Variants in EXOC7 observed in about 807,000 individuals in gnomAD.
The protein encoded by EXOC7 is exocyst complex component Exo70.
Under a neutral mutation model 87.6 loss-of-function variants are expected in EXOC7, and 51 were observed. The observed-to-expected ratio is 0.58, with a 90% CI of 0.46 to 0.73. The LOEUF (loss-of-function observed/expected upper bound fraction) is 0.73. Among genes scored for constraint, EXOC7 ranks in the 30% least tolerant of loss-of-function variants. The pLI, the probability that EXOC7 is intolerant of heterozygous loss-of-function variation, is 0.00. For synonymous variants in EXOC7, 327 were observed against 357.1 expected, an observed-to-expected ratio of 0.92 and a Z score of 0.95; for missense variants, 744 against 888.4, an observed-to-expected ratio of 0.84 and a Z score of 2.07.
intron 1 of EXOC7, 23 bp from the exon 2 acceptor site, chr17:76,103,449 C>T: frequency 1.3e-6 from 2 of 1,586,620 alleles, no homozygotes; most frequent in Non-Finnish European, 1.7e-6. Flanking sequence ...AAGGGGAGGA[C>T]ATCACCAGAA....
intron 12 of EXOC7, chr17:76,086,866 A>G: frequency 6.4e-7 from 1 of 1,551,364 alleles, no homozygotes; most frequent in Middle Eastern, 1.7e-4. Context: ...CGGGGGTCTA[A>G]AGGAATATTG....
chr17:76,091,152 G>A lies in EXOC7; in HGVS notation c.892C>T (p.Pro298Ser), dbSNP rs200640506. 4.6e-5 allele frequency: 74 copies of A among 1,613,698 alleles called. No homozygotes were observed. Among genetic ancestry groups the A allele is most frequent in the Non-Finnish European group, 6.1e-5 (72 of 1,179,588 alleles). Residue 298 changes from proline (P) to serine (S), a missense_variant, in exon 7 of 19, where the codon CCT becomes TCT. Pro to Ser is a moderately conservative substitution (Grantham distance 74, BLOSUM62 -1). Around this residue, in one of 3 missense-constraint regions of EXOC7, gnomAD observed 512 missense variants for 573.0 expected, o/e 0.89. Transcript: ENST00000589210. ...DGKKGGSNLI[P>S]LEGRDDMLDV... ...AACACAGGGTGATTACCTTCCAGAGGAATGAGGTTAGAGCCCCCCTTTTTC... is the reference window on the plus strand; with the variant it reads ...AACACAGGGTGATTACCTTCCAGAGAAATGAGGTTAGAGCCCCCCTTTTTC...
In EXOC7 at chr17:76,082,592, C is replaced by G. The variant is rs765075896; in HGVS notation, c.*1056G>C. On this transcript the variant is annotated 3_prime_UTR_variant, in exon 19 of 19. Coordinates refer to ENST00000589210, the MANE Select transcript of EXOC7 (RefSeq NM_001013839.4). ...TTTGCAGGAATCTGGATGTGGGCAG[C>G]GTGCAAGTCTGACGCAGCCCCTGGA... 5.0e-6 allele frequency: 8 copies of G among 1,613,458 alleles called. No individual in the cohort carries two copies. Among genetic ancestry groups the G allele is most frequent in the Non-Finnish European group, 5.9e-6 (7 of 1,179,930 alleles).
At chr17:76,090,459 C>G in intron 7 of EXOC7, 2 of 1,551,688 alleles carry the variant, frequency 1.3e-6, no homozygotes, top group Non-Finnish European at 8.7e-7. Flanking sequence ...GCAGGCCGCC[C>G]CTTGGGGTAC....
Position 76,081,565 on chromosome 17 carries a change from G to A in EXOC7, c.*2083C>T, listed in dbSNP as rs762932459. The A allele has an allele frequency of 8.1e-6, 13 of 1,613,676 alleles. No homozygotes were observed. Among genetic ancestry groups the A allele is most frequent in the South Asian group, 5.5e-5 (5 of 91,080 alleles). On this transcript the variant is annotated 3_prime_UTR_variant, in exon 19 of 19. Coordinates refer to ENST00000589210, the MANE Select transcript of EXOC7 (RefSeq NM_001013839.4). Reference sequence around the variant, plus strand: ...TCCAGCTGAGGCTGAAGAACACGGCGCTCAAGTCCATCATCGCTCTCTTGG... The same window carrying A: ...TCCAGCTGAGGCTGAAGAACACGGCACTCAAGTCCATCATCGCTCTCTTGG...
intron 15 of EXOC7, chr17:76,084,965 G>C (rs1421190001): frequency 2.2e-6 from 1 of 449,010 alleles, no homozygotes; most frequent in Non-Finnish European, 4.0e-6. Flanking sequence ...AGAAGCAGCG[G>C]GATCCTCACA....
intron 7 of EXOC7, 196 bp downstream of exon 7, chr17:76,090,947 C>T: frequency 1.6e-6 from 1 of 617,526 alleles, no homozygotes; most frequent in Non-Finnish European, 2.9e-6. Flanking sequence ...CTGCCATCAG[C>T]CAGAGAGGAC....
chr17:76,081,488 C>A lies in EXOC7; in HGVS notation c.*2160G>T. On this transcript the variant is annotated 3_prime_UTR_variant, in exon 19 of 19. Transcript: ENST00000589210. ...CACGGCCAGAGGCCAGGCCCCATGC[C>A]CCCGATGCCCACCTCCTTCCCCCCC... is the stretch of plus-strand genomic sequence containing the variant. The A allele has an allele frequency of 6.2e-7, 1 of 1,610,138 alleles. No homozygotes were observed. Among genetic ancestry groups the A allele is most frequent in the Non-Finnish European group, 8.5e-7 (1 of 1,178,438 alleles).
Position 76,083,374 on chromosome 17 carries a change from CTT to C in EXOC7, c.*272_*273del. 2.2e-6 allele frequency: 1 copy of C among 454,352 alleles called. No homozygotes were observed. The highest frequency in any genetic ancestry group is 4.1e-6 in the Non-Finnish European group (1 of 246,158). 28.1% of individuals were successfully genotyped at this position (454,352 alleles called of 1,614,324 possible). On this transcript the variant is annotated 3_prime_UTR_variant, in exon 19 of 19. Coordinates refer to ENST00000589210, the MANE Select transcript of EXOC7 (RefSeq NM_001013839.4). ...GCACAGGCCTCTGTCTTCCTTCTCT[CTT>C]TTCCTGTTTCAGAAGCCATCAGGGT...
At position 76,081,266 on chromosome 17, in the gene EXOC7, C is replaced by A; in HGVS notation, c.*2382G>T. Reference sequence around the variant, plus strand: ...TCCTTCCTGGTTCATAGTTCTCATTCCCACCCCTCAGCGATGGAGTTAGAG... The same window carrying A: ...TCCTTCCTGGTTCATAGTTCTCATTACCACCCCTCAGCGATGGAGTTAGAG... On this transcript the variant is annotated 3_prime_UTR_variant, in exon 19 of 19. Coordinates refer to ENST00000589210, the MANE Select transcript of EXOC7 (RefSeq NM_001013839.4). 1 of 1,613,162 alleles carries A rather than the reference C, an allele frequency of 6.2e-7. No individual in the cohort carries two copies. Among genetic ancestry groups the A allele is most frequent in the South Asian group, 1.1e-5 (1 of 90,978 alleles).
At chr17:76,089,432 G>T in intron 7 of EXOC7, 112 bp from the exon 8 acceptor site, 1 of 1,368,204 alleles carries the variant, frequency 7.3e-7, no homozygotes. Context: ...GCAGAGGATG[G>T]GGAAGAGGCT....
Position 76,089,287 on chromosome 17 carries a change from G to A in EXOC7, c.935C>T (p.Ala312Val). ...GAAGGCACTGACGCAGTGGATGTAGGCATCGGTCTCCACGTCCAGCATGTC... is the reference window on the plus strand; with the variant it reads ...GAAGGCACTGACGCAGTGGATGTAGACATCGGTCTCCACGTCCAGCATGTC... ...RDDMLDVETDAYIHCVSAFVK... is the reference protein window; with the variant it reads ...RDDMLDVETDVYIHCVSAFVK... The change falls in exon 8 of 19, where the codon GCC becomes GTC. Residue 312 changes from alanine (A) to valine (V), a missense_variant. By Grantham distance (64) the Ala-to-Val change is moderately conservative. This residue lies in a region of EXOC7 where 512 missense variants were observed against 573.0 expected (regional missense o/e 0.89). Coordinates refer to ENST00000589210, the MANE Select transcript of EXOC7 (RefSeq NM_001013839.4). The A allele has an allele frequency of 6.2e-7, 1 of 1,614,088 alleles. No individual in the cohort carries two copies. The highest frequency in any genetic ancestry group is 1.1e-5 in the South Asian group (1 of 91,088).
chr17:76,097,660 C>T, intron 5 of EXOC7, 136 bp downstream of exon 5: 2 of 605,252 alleles, frequency 3.3e-6, no homozygotes, highest in Non-Finnish European at 5.3e-6. Context: ...AGCCGAGTTG[C>T]ACCATTGCAC....
At chr17:76,087,280 T>C in intron 12 of EXOC7, 1 of 386,092 alleles carries the variant, frequency 2.6e-6, no homozygotes, top group Non-Finnish European at 4.8e-6. Flanking sequence ...CCTGAGACAC[T>C]TGCTACCCTC....
intron 15 of EXOC7, 170 bp downstream of exon 15, chr17:76,085,144 G>A (rs2144594235): frequency 3.2e-6 from 2 of 629,160 alleles, no homozygotes; most frequent in South Asian, 3.8e-5. Context: ...AGTGGTAGAG[G>A]AGGGGGCTTC....
Position 76,094,236 on chromosome 17 carries a change from T to C in EXOC7, c.808+178A>G, listed in dbSNP as rs77231632. On this transcript the variant is annotated intron_variant, in intron 6 of 18. Transcript: ENST00000589210. ...CTAGCTGGAAGGAAGAGTCTTGCTC[T>C]TGGGGGGCTTCACTGGGTGGGTAGA... 4,037 of 604,594 alleles carry C rather than the reference T, an allele frequency of 6.7e-3. 129 individuals carry two copies. In the African/African-American group the frequency reaches 0.067, roughly 10 times the overall value. 37.5% of individuals were successfully genotyped at this position (604,594 alleles called of 1,614,324 possible).
chr17:76,081,316 A>G lies in EXOC7; in HGVS notation c.*2332T>C, dbSNP rs139395139. 15 of 1,614,072 alleles carry G rather than the reference A, an allele frequency of 9.3e-6. No individual in the cohort carries two copies. The African/African-American group carries it at 1.1e-4, about 11-fold the overall frequency. On this transcript the variant is annotated 3_prime_UTR_variant, in exon 19 of 19. Transcript: ENST00000589210. ...GTTCCAGGCCCACGTGGTGAACGAG[A>G]TTGTGAGTGTCAAGAGGGAATACGT...
chr17:76,103,614 TCCCCAGGCC>T lies in EXOC7; in HGVS notation c.60+10_60+18del, dbSNP rs2068189829. On this transcript the variant is annotated intron_variant, in intron 1 of 18. Transcript: ENST00000589210. The stretch of plus-strand genomic sequence containing the variant: ...CCTTTCCCTCACCTCCTCCCCAGCC[TCCCCAGGCC>T]CACGCCCACCTGCTTCAGCTTGTCC... The T allele has an allele frequency of 1.2e-6, 2 of 1,602,544 alleles. No individual in the cohort carries two copies. The highest frequency in any genetic ancestry group is 2.2e-5 in the South Asian group (2 of 90,562).
chr17:76,100,494 G>A (rs1286025627), intron 4 of EXOC7, among the ~76,000 whole-genome samples: 2 of 151,588 alleles, frequency 1.3e-5, no homozygotes, highest in South Asian at 2.1e-4. Flanking sequence ...AAAATTAGCC[G>A]AGAGTGGTGG....
Sources: gnomAD v4.1 joint callset for allele counts (sites outside exome capture counted in the v4.1 genomes callset) on GRCh38, gnomAD v4.1.1 for gene constraint, gnomAD v4.1.1 regional missense constraint, MANE v1.5 for transcripts, NCBI Gene and HGNC (gene_info 2026-07-23, HGNC 2026-07-21) for gene names.